Variants in RBFOX1 observed in about 807,000 individuals in gnomAD.
RBFOX1 encodes RNA binding fox-1 homolog 1.
RBFOX1 carries 8 observed loss-of-function variants against 57.7 expected under a neutral mutation model. The observed-to-expected ratio is 0.14, with a 90% CI of 0.08 to 0.25. The LOEUF (loss-of-function observed/expected upper bound fraction) is 0.25. Ranked by LOEUF, RBFOX1 falls within the 10% of genes least tolerant of loss-of-function variation. RBFOX1 has a pLI of 1.00. For synonymous variants in RBFOX1, 326 were observed against 222.4 expected (o/e 1.47, Z -4.15); for missense variants, 611 against 548.5 (o/e 1.11, Z -1.14).
At chr16:6,011,596 A>G (rs1017797392) in intron 4 of RBFOX1, among the ~76,000 whole-genome samples, 2 of 152,188 alleles carry the variant, frequency 1.3e-5, no homozygotes, top group Admixed American at 6.5e-5. Context: ...CAGGCTTGGC[A>G]TAGAGTATGT....
intron 2 of RBFOX1, among the ~76,000 whole-genome samples, chr16:5,524,603 C>T (rs560732854): frequency 3.3e-5 from 5 of 150,178 alleles, no homozygotes; most frequent in East Asian, 3.9e-4. Flanking sequence ...TGCAGTGGTG[C>T]GATCTTGGCT....
chr16:6,788,200 A>G (rs111739996), intron 3 of RBFOX1, among the ~76,000 whole-genome samples: 1 of 152,118 alleles, frequency 6.6e-6, no homozygotes, highest in African/African-American at 2.4e-5. Flanking sequence ...CCAGCCTGCA[A>G]CAAAAGTGAA....
intron 4 of RBFOX1, among the ~76,000 whole-genome samples, chr16:5,959,032 G>A (rs2059700212): frequency 2.0e-5 from 3 of 152,292 alleles, no homozygotes; most frequent in Middle Eastern, 6.8e-3. Context: ...AGGAAGGAAG[G>A]CCATTATTCT....
At chr16:5,788,389 G>A (rs2054580681) in intron 3 of RBFOX1, among the ~76,000 whole-genome samples, 1 of 152,182 alleles carries the variant, frequency 6.6e-6, no homozygotes, top group Admixed American at 6.5e-5. Flanking sequence ...AGCACATCGG[G>A]AGGTCGAGCT....
chr16:5,424,977 TC>T (rs1474138681), intron 1 of RBFOX1, among the ~76,000 whole-genome samples: 1,750 of 35,722 alleles, frequency 0.049, 135 homozygotes, highest in African/African-American at 0.23. Flanking sequence ...TTTCTTTCTT[TC>T]TTTTCTTTTC....
intron 2 of RBFOX1, among the ~76,000 whole-genome samples, chr16:5,524,801 G>A (rs138178845): frequency 1.2e-3 from 179 of 151,958 alleles, no homozygotes; most frequent in African/African-American, 4.0e-3. Flanking sequence ...TCGGCCTCCC[G>A]AAGTGCTGGG....
intron 3 of RBFOX1, among the ~76,000 whole-genome samples, chr16:5,680,985 A>G (rs2050314452): frequency 6.6e-6 from 1 of 152,126 alleles, no homozygotes; most frequent in East Asian, 1.9e-4. Flanking sequence ...AGATGTTTTA[A>G]GTGCCATAAA....
intron 10 of RBFOX1, among the ~76,000 whole-genome samples, chr16:7,620,915 G>C (rs991349587): frequency 8.5e-5 from 13 of 152,086 alleles, no homozygotes; most frequent in Non-Finnish European, 1.2e-4. Flanking sequence ...CTGAAACCTA[G>C]GGCCACCTTA....
intron 2 of RBFOX1, among the ~76,000 whole-genome samples, chr16:6,364,282 C>A (rs1282280909): frequency 6.6e-6 from 1 of 152,242 alleles, no homozygotes; most frequent in Non-Finnish European, 1.5e-5. Context: ...GGTTATTTGG[C>A]TTGCCAAGGT....
intron 4 of RBFOX1, among the ~76,000 whole-genome samples, chr16:7,083,287 C>A (rs930105499): frequency 1.3e-5 from 2 of 151,858 alleles, no homozygotes; most frequent in African/African-American, 4.8e-5. Context: ...ACAGCTGTCT[C>A]CTGCTTGTGT....
intron 3 of RBFOX1, among the ~76,000 whole-genome samples, chr16:5,631,409 T>C (rs904077278): frequency 6.6e-6 from 1 of 151,998 alleles, no homozygotes; most frequent in Non-Finnish European, 1.5e-5. Flanking sequence ...ATACAAAAAT[T>C]AGCCGGGTAT....
At chr16:6,360,153 AT>A (rs2088172763) in intron 2 of RBFOX1, among the ~76,000 whole-genome samples, 4 of 152,190 alleles carry the variant, frequency 2.6e-5, no homozygotes, top group Admixed American at 2.6e-4. Context: ...ATTAAAAAAA[AT>A]ATAGATTTCA....
At chr16:7,408,737 A>AT (rs2098387714) in intron 4 of RBFOX1, among the ~76,000 whole-genome samples, 1 of 152,206 alleles carries the variant, frequency 6.6e-6, no homozygotes, top group Non-Finnish European at 1.5e-5. Context: ...GATATTGAAC[A>AT]GCATCCCTGG....
At chr16:6,699,881 A>G (rs544942735) in intron 3 of RBFOX1, among the ~76,000 whole-genome samples, 44 of 152,304 alleles carry the variant, frequency 2.9e-4, no homozygotes, top group African/African-American at 9.9e-4. Context: ...TTCTGCCACA[A>G]GTCCTTCAAT....
At chr16:5,433,853 A>T (rs1107094) in intron 1 of RBFOX1, among the ~76,000 whole-genome samples, 3 of 151,888 alleles carry the variant, frequency 2.0e-5, no homozygotes, top group Non-Finnish European at 4.4e-5. Context: ...CATGGTTATT[A>T]CATGGATGGA....
chr16:7,088,862 C>T (rs1413815207), intron 4 of RBFOX1, among the ~76,000 whole-genome samples: 1 of 152,208 alleles, frequency 6.6e-6, no homozygotes, highest in African/African-American at 2.4e-5. Flanking sequence ...TCATCAGCAT[C>T]ATCATCACTG....
chr16:6,452,086 G>C lies in RBFOX1; in HGVS notation c.-64+135029G>C, dbSNP rs563827078. Among the ~76,000 whole-genome samples the C allele has an allele frequency of 6.2e-5, 9 of 144,684 alleles. No homozygotes were observed. The East Asian group carries it at 1.9e-3, about 31-fold the overall frequency. The allele number at this position is 144,684 out of a possible 152,430, so 94.9% of individuals were successfully genotyped here. ...TCCTTCCTTCCATGACTCCATCCAT[G>C]GCTCCTTCCTTCCATGGCTCCATCC... On this transcript the variant is annotated intron_variant, in intron 2 of 15. Coordinates refer to ENST00000550418, the MANE Select transcript of RBFOX1 (RefSeq NM_018723.4).
intron 2 of RBFOX1, among the ~76,000 whole-genome samples, chr16:6,619,915 T>A (rs1299474203): frequency 6.6e-6 from 1 of 152,130 alleles, no homozygotes; most frequent in East Asian, 1.9e-4. Context: ...TGTGTCCACG[T>A]GTTCTCATGG....
At chr16:7,417,402 A>C (rs897559881) in intron 4 of RBFOX1, among the ~76,000 whole-genome samples, 1 of 146,770 alleles carries the variant, frequency 6.8e-6, no homozygotes, top group South Asian at 2.2e-4. Context: ...AGATGACCCC[A>C]TATCCTGTTC....
Sources: gnomAD v4.1 joint callset for allele counts (sites outside exome capture counted in the v4.1 genomes callset) on GRCh38, gnomAD v4.1.1 for gene constraint, MANE v1.5 for transcripts, NCBI Gene and HGNC (gene_info 2026-07-23, HGNC 2026-07-21) for gene names.